The following TAFA4 variants were observed in gnomAD, a reference collection of about 807,000 sequenced individuals.
TAFA4 encodes chemokine-like protein TAFA-4.
A neutral mutation model predicts 21.1 loss-of-function variants in TAFA4; 20 were observed. The ratio of observed to expected loss-of-function variants is 0.95; its 90% CI spans 0.67 to 1.38. The LOEUF (loss-of-function observed/expected upper bound fraction) is 1.38, where lower values mean the gene tolerates loss of function less well. Ranked by LOEUF, TAFA4 falls within the 40% of genes most tolerant of loss-of-function variation. TAFA4 has a pLI of 0.00. For synonymous variants in TAFA4, 71 were observed against 67.4 expected (o/e 1.05, Z -0.26); for missense variants, 211 against 180.9 (o/e 1.17, Z -0.95).
intron 3 of TAFA4, among the ~76,000 whole-genome samples, chr3:68,865,438 T>A (rs150686558): frequency 8.2e-4 from 124 of 152,052 alleles, no homozygotes; most frequent in African/African-American, 2.8e-3. Flanking sequence ...CCTGTACTGT[T>A]TTCACAATAG....
intron 3 of TAFA4, among the ~76,000 whole-genome samples, chr3:68,774,050 A>C (rs1703005776): frequency 1.3e-5 from 2 of 152,150 alleles, no homozygotes; most frequent in South Asian, 4.1e-4. Context: ...GATGAACTAC[A>C]GCAGTCAAGC....
At chr3:68,858,216 A>C (rs1219084128) in intron 3 of TAFA4, among the ~76,000 whole-genome samples, 3 of 152,102 alleles carry the variant, frequency 2.0e-5, no homozygotes, top group Non-Finnish European at 2.9e-5. Context: ...AAGAAGGCTC[A>C]CTCATGAGCA....
At chr3:68,926,703 A>T in intron 1 of TAFA4, among the ~76,000 whole-genome samples, 1 of 152,246 alleles carries the variant, frequency 6.6e-6, no homozygotes, top group African/African-American at 2.4e-5. Flanking sequence ...ACCTGAGGTC[A>T]GAAGTTTGAA....
intron 3 of TAFA4, among the ~76,000 whole-genome samples, chr3:68,825,029 T>A (rs563085191): frequency 6.6e-6 from 1 of 152,190 alleles, no homozygotes; most frequent in Non-Finnish European, 1.5e-5. Context: ...GTTTGTTACA[T>A]AGGTAAACAT....
Position 68,732,057 on chromosome 3 carries a change from G to GTCAGTCATTCTTCA in TAFA4, c.*1071_*1084dup, listed in dbSNP as rs1283580885. The GTCAGTCATTCTTCA allele has an allele frequency of 4.6e-5, 7 of 152,582 alleles. No homozygotes were observed. Among genetic ancestry groups the GTCAGTCATTCTTCA allele is most frequent in the Non-Finnish European group, 7.4e-5 (5 of 67,998 alleles). 9.5% of individuals were successfully genotyped at this position (152,582 alleles called of 1,614,324 possible). On this transcript the variant is annotated 3_prime_UTR_variant, in exon 6 of 6. Transcript: ENST00000295569. Reference sequence around the variant, plus strand: ...ACAACATTATACATCTAAAATCTGGGTCAGTCATTCTTCATCTGTTTCATA... The same window carrying GTCAGTCATTCTTCA: ...ACAACATTATACATCTAAAATCTGGGTCAGTCATTCTTCATCAGTCATTCTTCATCTGTTTCATA...
rs558782196 is a variant in TAFA4 at position 68,917,879 on chromosome 3, GGAC to G, written c.-123+14358_-123+14360del. ...GTTTTCACTCTGACACCCAGTTTGT[GGAC>G]GATCAGGACAAGTTGGTAGATGGCA... is the stretch of plus-strand genomic sequence containing the variant. On this transcript the variant is annotated intron_variant, in intron 1 of 5. Coordinates refer to ENST00000295569, the MANE Select transcript of TAFA4 (RefSeq NM_182522.5). Among the ~76,000 whole-genome samples the G allele has an allele frequency of 4.0e-3, 611 of 152,236 alleles. 9 individuals are homozygous for G. The highest frequency in any genetic ancestry group is 0.014 in the African/African-American group (573 of 41,518).
intron 3 of TAFA4, among the ~76,000 whole-genome samples, chr3:68,761,138 G>A (rs9867593): frequency 0.97 from 148,063 of 152,316 alleles, 71,995 homozygotes; most frequent in East Asian, 0.99. Flanking sequence ...AAGCCTCTCA[G>A]TCTTGCATTT....
chr3:68,863,819 C>T (rs1333548075), intron 3 of TAFA4, among the ~76,000 whole-genome samples: 1 of 152,034 alleles, frequency 6.6e-6, no homozygotes, highest in Non-Finnish European at 1.5e-5. Flanking sequence ...TATTAAAATG[C>T]CTAAGGCATT....
intron 1 of TAFA4, among the ~76,000 whole-genome samples, chr3:68,894,436 C>T (rs539641752): frequency 1.1e-3 from 172 of 152,280 alleles, no homozygotes; most frequent in African/African-American, 4.0e-3. Context: ...CTGGCGTGAG[C>T]CACCACGCCT....
rs78619952 is a variant in TAFA4, at chr3:68,910,883, A to G, written c.-123+21357T>C. 6.0e-3 allele frequency among the ~76,000 whole-genome samples: 910 copies of G among 152,352 alleles called. 5 individuals carry two copies. Among genetic ancestry groups the G allele is most frequent in the Middle Eastern group, 0.027 (8 of 294 alleles). ...GGTTTGTTCTAATAAAACATCAATA[A>G]AAGGTTAACACAATGCTTGGTACTT... is the stretch of plus-strand genomic sequence containing the variant. On this transcript the variant is annotated intron_variant, in intron 1 of 5. Transcript: ENST00000295569.
intron 1 of TAFA4, among the ~76,000 whole-genome samples, chr3:68,885,957 T>C (rs2089668556): frequency 6.6e-6 from 1 of 152,186 alleles, no homozygotes; most frequent in African/African-American, 2.4e-5. Flanking sequence ...AGGACTCAGA[T>C]GACCCTAAAG....
At chr3:68,839,903 C>G (rs1027864348) in intron 3 of TAFA4, among the ~76,000 whole-genome samples, 31 of 152,034 alleles carry the variant, frequency 2.0e-4, no homozygotes, top group Non-Finnish European at 5.9e-5. Context: ...TGGGAGAGAC[C>G]CTTGCTGGGT....
rs570301854 is a variant in TAFA4 at position 68,755,580 on chromosome 3, A to G, written c.131-2562T>C. On this transcript the variant is annotated intron_variant, in intron 3 of 5. Transcript: ENST00000295569. ...ACACGTTTGTGCAGCCCCTTCCCAC[A>G]TGGCACCAGGGTTGGTCTATATGAC... Among the ~76,000 whole-genome samples, 681 of 152,248 alleles carry G rather than the reference A, an allele frequency of 4.5e-3. 9 individuals carry two copies. The highest frequency in any genetic ancestry group is 6.2e-3 in the Non-Finnish European group (424 of 68,012).
chr3:68,790,062 G>A (rs1386105313), intron 3 of TAFA4, among the ~76,000 whole-genome samples: 1 of 152,152 alleles, frequency 6.6e-6, no homozygotes, highest in Non-Finnish European at 1.5e-5. Flanking sequence ...TTAAAAATAT[G>A]TATAACTGTT....
chr3:68,804,749 T>A (rs903756367), intron 3 of TAFA4, among the ~76,000 whole-genome samples: 2 of 152,200 alleles, frequency 1.3e-5, no homozygotes, highest in African/African-American at 4.8e-5. Context: ...TGGCTAGCCA[T>A]GTGTAGAAAG....
In TAFA4 at chr3:68,733,029, T is replaced by C. The variant is rs1163256761; in HGVS notation, c.*113A>G. The C allele has an allele frequency of 1.4e-6, 2 of 1,404,726 alleles. No homozygotes were observed. The highest frequency in any genetic ancestry group is 1.8e-5 in the Admixed American group (1 of 54,950). 87.0% of individuals were successfully genotyped at this position (1,404,726 alleles called of 1,614,324 possible). On this transcript the variant is annotated 3_prime_UTR_variant, in exon 6 of 6. Coordinates refer to ENST00000295569, the MANE Select transcript of TAFA4 (RefSeq NM_182522.5). ...CTCTCACAGCTCACATATACAAATA[T>C]GAAGTTGCTGAAATCCTAGACAATT... is the stretch of plus-strand genomic sequence containing the variant.
At chr3:68,806,996 A>G (rs1703716050) in intron 3 of TAFA4, among the ~76,000 whole-genome samples, 1 of 152,206 alleles carries the variant, frequency 6.6e-6, no homozygotes, top group Admixed American at 6.5e-5. Flanking sequence ...AGGAGAATGA[A>G]CCAAATGAAG....
intron 3 of TAFA4, among the ~76,000 whole-genome samples, chr3:68,863,322 T>C (rs1002601323): frequency 6.6e-6 from 1 of 152,080 alleles, no homozygotes; most frequent in Non-Finnish European, 1.5e-5. Flanking sequence ...TAAACACCGA[T>C]TTCAAAAATG....
intron 3 of TAFA4, among the ~76,000 whole-genome samples, chr3:68,809,868 G>C (rs973772404): frequency 1.3e-5 from 2 of 152,108 alleles, no homozygotes; most frequent in East Asian, 3.9e-4. Flanking sequence ...AAAATCATTG[G>C]TCCGTAAATG....
Sources: allele counts gnomAD v4.1 joint callset (sites outside exome capture counted in the v4.1 genomes callset), GRCh38; gene constraint gnomAD v4.1.1; transcripts MANE v1.5; gene names NCBI Gene and HGNC (gene_info 2026-07-23, HGNC 2026-07-21).